Variants in DPYS observed in about 807,000 individuals in gnomAD.
DPYS encodes the protein dihydropyrimidinase.
Under a neutral mutation model 50.3 loss-of-function variants are expected in DPYS, and 39 were observed. The ratio of observed to expected loss-of-function variants is 0.78; its 90% confidence interval spans 0.60 to 1.01. The LOEUF is 1.01. Ranked by LOEUF, DPYS falls within the 50% of genes least tolerant of loss-of-function variation. The pLI is 0.00. For synonymous variants in DPYS, 245 were observed against 250.7 expected, an observed-to-expected ratio of 0.98 and a Z score of 0.22; for missense variants, 659 against 680.9, an observed-to-expected ratio of 0.97 and a Z score of 0.36.
intron 8 of DPYS, among the ~76,000 whole-genome samples, chr8:104,389,060 A>T (rs1175702298): frequency 1.3e-5 from 2 of 152,244 alleles, no homozygotes; most frequent in African/African-American, 2.4e-5. Flanking sequence ...GCAAAAAAGA[A>T]TAAGATGCTG....
At chr8:104,456,170 C>T (rs778484319) in intron 1 of DPYS, among the ~76,000 whole-genome samples, 34 of 152,234 alleles carry the variant, frequency 2.2e-4, no homozygotes, top group South Asian at 1.0e-3. Context: ...ATAGCCTAGG[C>T]GTGTAGTAGG....
chr8:104,401,167 T>C (rs1164055095), intron 7 of DPYS, among the ~76,000 whole-genome samples: 1 of 152,192 alleles, frequency 6.6e-6, no homozygotes, highest in Non-Finnish European at 1.5e-5. Context: ...GTTAATAGAA[T>C]CATGTCAGGA....
In DPYS at chr8:104,433,063, G is replaced by A. The variant is rs1289954992; in HGVS notation, c.794-3362C>T. On this transcript the variant is annotated intron_variant, in intron 4 of 9. Transcript: ENST00000351513. ...TTGGACACATAGAGGGGAAGATAACGTGAAGACACAGGAAGAAGATGGCCA... is the reference window on the plus strand; with the variant it reads ...TTGGACACATAGAGGGGAAGATAACATGAAGACACAGGAAGAAGATGGCCA... Among the ~76,000 whole-genome samples the A allele has an allele frequency of 2.0e-5, 3 of 152,124 alleles. 1 individual carries two copies. The highest frequency in any genetic ancestry group is 4.4e-5 in the Non-Finnish European group (3 of 68,018).
At chr8:104,427,765 C>T (rs184122285) in intron 6 of DPYS, among the ~76,000 whole-genome samples, 2 of 152,230 alleles carry the variant, frequency 1.3e-5, no homozygotes, top group Admixed American at 1.3e-4. Context: ...ATCGTCTAAA[C>T]TAAAATAAAC....
At chr8:104,424,177 G>A (rs902593322) in intron 7 of DPYS, 70 bp downstream of exon 7, 55 of 1,611,372 alleles carry the variant, frequency 3.4e-5, no homozygotes, top group Non-Finnish European at 4.7e-5. Flanking sequence ...TAATGCCAAA[G>A]CATTATTTCT....
intron 3 of DPYS, 74 bp downstream of exon 3, chr8:104,447,250 G>T: frequency 6.4e-7 from 1 of 1,556,318 alleles, no homozygotes; most frequent in Non-Finnish European, 8.8e-7. Flanking sequence ...GTTTACCTAT[G>T]TAGGCCCAAT....
At chr8:104,465,822 C>T (rs1814358100) in intron 1 of DPYS, among the ~76,000 whole-genome samples, 1 of 152,120 alleles carries the variant, frequency 6.6e-6, no homozygotes, top group Non-Finnish European at 1.5e-5. Flanking sequence ...AACTTCTAGG[C>T]CTTTGTATCT....
chr8:104,380,873 C>T, intron 9 of DPYS: 2 of 248,520 alleles, frequency 8.0e-6, no homozygotes, highest in Admixed American at 4.8e-5. Context: ...AATTATACTC[C>T]CTGTCTTAAG....
At chr8:104,432,238 G>C (rs1286998169) in intron 4 of DPYS, among the ~76,000 whole-genome samples, 1 of 152,086 alleles carries the variant, frequency 6.6e-6, no homozygotes, top group Non-Finnish European at 1.5e-5. Context: ...AAAAGATTCT[G>C]CCCTTTATGA....
chr8:104,451,133 G>T, intron 2 of DPYS, 113 bp downstream of exon 2: 1 of 1,360,114 alleles, frequency 7.4e-7, no homozygotes, highest in Non-Finnish European at 1.0e-6. Context: ...AAGTCTTCCT[G>T]CCAGTTCTGT....
At chr8:104,446,155 A>G (rs1003704584) in intron 3 of DPYS, among the ~76,000 whole-genome samples, 5 of 152,188 alleles carry the variant, frequency 3.3e-5, no homozygotes, top group Non-Finnish European at 7.3e-5. Context: ...GAGGGGATGG[A>G]TACCCAATTT....
chr8:104,407,237 G>A (rs957675421), intron 7 of DPYS, among the ~76,000 whole-genome samples: 4 of 152,202 alleles, frequency 2.6e-5, no homozygotes, highest in African/African-American at 9.7e-5. Flanking sequence ...ACCTCACAGT[G>A]TATATGACTC....
chr8:104,396,341 G>A (rs1001496782), intron 7 of DPYS, among the ~76,000 whole-genome samples: 2 of 152,136 alleles, frequency 1.3e-5, no homozygotes, highest in African/African-American at 4.8e-5. Context: ...GTGCTGAAAT[G>A]GTTATTTGAA....
intron 2 of DPYS, among the ~76,000 whole-genome samples, chr8:104,448,035 T>A (rs1246395266): frequency 6.6e-6 from 1 of 152,166 alleles, no homozygotes; most frequent in East Asian, 1.9e-4. Context: ...ATGGGACCCA[T>A]TGGCAGCTCC....
intron 4 of DPYS, among the ~76,000 whole-genome samples, chr8:104,430,323 C>T (rs921724275): frequency 2.0e-5 from 3 of 151,436 alleles, no homozygotes; most frequent in African/African-American, 7.3e-5. Flanking sequence ...AAAGTCTTAG[C>T]CAGAAATGCG....
chr8:104,380,965 A>T (rs1469049495), intron 9 of DPYS: 1 of 494,528 alleles, frequency 2.0e-6, no homozygotes, highest in East Asian at 3.9e-5. Flanking sequence ...ATGTTTCCTA[A>T]CATCTTAAAG....
chr8:104,444,322 A>C lies in DPYS; in HGVS notation c.719T>G (p.Val240Gly). The C allele has an allele frequency of 6.2e-7, 1 of 1,614,226 alleles. No homozygotes were observed. The highest frequency in any genetic ancestry group is 8.5e-7 in the Non-Finnish European group (1 of 1,180,040). ...ATGCACAATGTAGAGAGGACAGTTC[A>C]CAGCGCTGGCTATGGTGATGGCTCT... ...TLRAITIASA[V>G]NCPLYIVHVM... is the part of the protein sequence containing the mutation. Residue 240 changes from valine (V) to glycine (G), a missense_variant, in exon 4 of 10, where the codon GTG becomes GGG. Val to Gly is a moderately radical substitution (Grantham distance 109). Transcript: ENST00000351513.
At chr8:104,397,784 A>G (rs1476401214) in intron 7 of DPYS, among the ~76,000 whole-genome samples, 1 of 152,216 alleles carries the variant, frequency 6.6e-6, no homozygotes, top group African/African-American at 2.4e-5. Flanking sequence ...ATAGTTTAAT[A>G]TTGAATGAAC....
chr8:104,434,029 A>C (rs927522837), intron 4 of DPYS, among the ~76,000 whole-genome samples: 1 of 152,194 alleles, frequency 6.6e-6, no homozygotes, highest in African/African-American at 2.4e-5. Flanking sequence ...CATGTGCCCA[A>C]GGTGGTTGGG....
Sources: allele counts gnomAD v4.1 joint callset (sites outside exome capture counted in the v4.1 genomes callset), GRCh38; gene constraint gnomAD v4.1.1; transcripts MANE v1.5; gene names NCBI Gene and HGNC (gene_info 2026-07-23, HGNC 2026-07-21).